Variants in APPL2 observed in about 807,000 individuals in gnomAD.
APPL2 encodes the protein DCC-interacting protein 13-beta.
Under a neutral mutation model 92.7 loss-of-function variants are expected in APPL2, and 84 were observed. That is an observed-to-expected ratio of 0.91 (90% confidence interval 0.76 to 1.09). APPL2 has a LOEUF of 1.09. Among genes scored for constraint, APPL2 ranks in the 50% least tolerant of loss-of-function variants. APPL2 has a pLI of 0.00. For missense variants in APPL2, 736 were observed against 824.5 expected (o/e 0.89, Z 1.31); for synonymous variants, 291 against 291.0 (o/e 1.00, Z 0.00).
chr12:105,186,698 T>TA (rs372337935), intron 17 of APPL2, among the ~76,000 whole-genome samples: 3 of 46,714 alleles, frequency 6.4e-5, no homozygotes, highest in Admixed American at 2.8e-4. Flanking sequence ...ATATCATATA[T>TA]CATATCATAT....
intron 9 of APPL2, among the ~76,000 whole-genome samples, chr12:105,202,830 C>T (rs1220234015): frequency 1.3e-5 from 2 of 152,106 alleles, no homozygotes. Context: ...ACTGGTTTTT[C>T]TTGGGACTGA....
At chr12:105,175,873 A>C (rs993183907) in intron 20 of APPL2, among the ~76,000 whole-genome samples, 162 bp downstream of exon 20, 1 of 152,272 alleles carries the variant, frequency 6.6e-6, no homozygotes, top group Admixed American at 6.5e-5. Context: ...ACATGGAACT[A>C]GCTGATCAAA....
intron 1 of APPL2, among the ~76,000 whole-genome samples, 154 bp downstream of exon 1, chr12:105,235,805 C>T (rs891678057): frequency 4.6e-5 from 7 of 152,026 alleles, no homozygotes; most frequent in Non-Finnish European, 2.9e-5. Context: ...CCCGCCCCCT[C>T]CTCAGCCCGA....
intron 8 of APPL2, 115 bp from the exon 9 acceptor site, chr12:105,203,900 C>T: frequency 1.2e-6 from 1 of 830,770 alleles, no homozygotes; most frequent in Non-Finnish European, 2.0e-6. Flanking sequence ...GCCCGCCTCG[C>T]ACGCGGCACT....
intron 2 of APPL2, among the ~76,000 whole-genome samples, chr12:105,218,157 TAAAAGAA>T (rs1214705305): frequency 1.3e-5 from 2 of 151,818 alleles, no homozygotes; most frequent in African/African-American, 4.8e-5. Context: ...CATATGGAGC[TAAAAGAA>T]AAAAGAAGAA....
At chr12:105,186,674 GATATATCATATATATATCATATATC>G (rs1208960980) in intron 17 of APPL2, among the ~76,000 whole-genome samples, 3 of 47,448 alleles carry the variant, frequency 6.3e-5, no homozygotes, top group Non-Finnish European at 1.7e-4. Context: ...TCATATATAT[GATATATCATATATATATCATATATC>G]ATATCATATA....
At chr12:105,204,948 C>T (rs1173930462) in intron 8 of APPL2, among the ~76,000 whole-genome samples, 1 of 152,190 alleles carries the variant, frequency 6.6e-6, no homozygotes, top group Non-Finnish European at 1.5e-5. Flanking sequence ...GATTACAGAG[C>T]CTCAGTTTGC....
chr12:105,202,612 A>G (rs532578279), intron 9 of APPL2, among the ~76,000 whole-genome samples: 1 of 152,302 alleles, frequency 6.6e-6, no homozygotes, highest in South Asian at 2.1e-4. Context: ...CTCATCTTCT[A>G]CCTCCTCCTA....
chr12:105,199,935 C>T (rs1432694856), intron 9 of APPL2, among the ~76,000 whole-genome samples: 3 of 151,992 alleles, frequency 2.0e-5, no homozygotes, highest in African/African-American at 4.8e-5. Context: ...TCTCCTGCCT[C>T]AGCCTCTCGA....
intron 1 of APPL2, 79 bp from the exon 2 acceptor site, chr12:105,229,302 G>A (rs1306495530): frequency 1.1e-5 from 14 of 1,278,452 alleles, no homozygotes; most frequent in African/African-American, 1.5e-5. Flanking sequence ...CCACACACCC[G>A]CACATGCAGA....
At chr12:105,193,123 T>C (rs1047392334) in intron 14 of APPL2, among the ~76,000 whole-genome samples, 19 of 149,810 alleles carry the variant, frequency 1.3e-4, no homozygotes, top group Non-Finnish European at 2.1e-4. Context: ...TCATTTTTTT[T>C]CCCCCCAGGG....
chr12:105,203,262 T>A (rs1422102250), intron 9 of APPL2, among the ~76,000 whole-genome samples: 2 of 152,254 alleles, frequency 1.3e-5, no homozygotes, highest in Non-Finnish European at 2.9e-5. Context: ...GACAGTGATG[T>A]TGTATTTCTT....
At chr12:105,229,102 C>T (rs1294372124) in intron 2 of APPL2, 23 bp downstream of exon 2, 2 of 1,598,836 alleles carry the variant, frequency 1.3e-6, no homozygotes, top group Non-Finnish European at 1.7e-6. Flanking sequence ...TCTGCGGTAT[C>T]CAGGTGAGGG....
rs1887088864 is a variant in APPL2, at chr12:105,190,269, C to G, written c.1242-114G>C. On this transcript the variant is annotated intron_variant, in intron 14 of 20. Transcript: ENST00000258530. ...AAAATACAAGGGGAAAGATTGACCT[C>G]AATCCCTTAATCCATTCTACAAATA... The G allele has an allele frequency of 4.4e-6, 5 of 1,144,360 alleles. No homozygotes were observed. In the South Asian group the frequency reaches 7.7e-5, roughly 18 times the overall value. 70.9% of individuals were successfully genotyped at this position (1,144,360 alleles called of 1,614,324 possible).
At position 105,174,263 on chromosome 12, in the gene APPL2, T is replaced by C. The variant is rs764122794; in HGVS notation, c.*51A>G. ...TGTATGTCAGAGACGTTAAAACCCT[T>C]AGGAGGTAGCTCTCCTTCCTGTTTG... On this transcript the variant is annotated 3_prime_UTR_variant, in exon 21 of 21. Coordinates refer to ENST00000258530, the MANE Select transcript of APPL2 (RefSeq NM_018171.5). 24 of 1,600,280 alleles carry C rather than the reference T, an allele frequency of 1.5e-5. No individual in the cohort carries two copies. The South Asian group carries it at 2.3e-4, about 15-fold the overall frequency.
intron 11 of APPL2, among the ~76,000 whole-genome samples, chr12:105,196,067 AAAAAAG>A (rs1413260586): frequency 2.0e-5 from 3 of 151,674 alleles, no homozygotes; most frequent in South Asian, 2.1e-4. Context: ...ACAAAAAAAA[AAAAAAG>A]AAAAAGAAAA....
Position 105,177,412 on chromosome 12 carries a change from G to A in APPL2, c.1635-150C>T, listed in dbSNP as rs80277188. 5,951 of 753,002 alleles carry A rather than the reference G, an allele frequency of 7.9e-3. 228 individuals are homozygous for A. The African/African-American group carries it at 0.089, about 11-fold the overall frequency. The allele number at this position is 753,002 out of a possible 1,614,324, so 46.6% of individuals were successfully genotyped here. A position where few individuals can be genotyped will look rare whatever the true frequency, so the allele number is the denominator to read the frequency against. On this transcript the variant is annotated intron_variant, in intron 17 of 20. Transcript: ENST00000258530. ...AGGCGAGATAGCTGTGTGTGACCAC[G>A]TGTCCTGCTTTCTGCCTTTAAGGAA...
Position 105,195,614 on chromosome 12 carries a change from G to A in APPL2, c.1066C>T (p.Gln356Ter), listed in dbSNP as rs1208116210. Residue 356 changes from glutamine (Q) to a stop codon, truncating the protein, a stop_gained, in exon 12 of 21, where the codon CAG becomes TAG. Transcript: ENST00000258530. LOFTEE classifies it high-confidence loss of function. ...TCATTTTCCTTTCTGCTCTCAGCCT[G>A]GAGGATTATTCCCCTGAAACAAAAG... is the stretch of plus-strand genomic sequence containing the variant. ...TPNGKSGIIL[Q>*]AESRKENEEW... 3.1e-6 allele frequency: 5 copies of A among 1,614,058 alleles called. No homozygotes were observed. The highest frequency in any genetic ancestry group is 2.7e-5 in the African/African-American group (2 of 74,936).
chr12:105,202,913 A>G (rs1268349466), intron 9 of APPL2, among the ~76,000 whole-genome samples: 2 of 152,198 alleles, frequency 1.3e-5, no homozygotes, highest in Non-Finnish European at 2.9e-5. Context: ...AGGTGTGGTG[A>G]AATGCAACAT....
Sources: gnomAD v4.1 joint callset for allele counts (sites outside exome capture counted in the v4.1 genomes callset) on GRCh38, gnomAD v4.1.1 for gene constraint, MANE v1.5 for transcripts, NCBI Gene and HGNC (gene_info 2026-07-23, HGNC 2026-07-21) for gene names.